Variants in JAKMIP2 observed in about 807,000 individuals in gnomAD.
The protein encoded by JAKMIP2 is janus kinase and microtubule-interacting protein 2.
In JAKMIP2, 25 loss-of-function variants were observed where a neutral mutation model predicts 115.0. That is an observed-to-expected ratio of 0.22 (90% CI 0.16 to 0.30). The LOEUF is 0.30. Ranked by LOEUF, JAKMIP2 falls within the 10% of genes least tolerant of loss-of-function variation. The pLI is 1.00. For missense variants in JAKMIP2, 642 were observed against 957.6 expected (o/e 0.67, Z 4.35); for synonymous variants, 334 against 343.6 (o/e 0.97, Z 0.31).
chr5:147,730,583 G>A (rs931554958), intron 1 of JAKMIP2, among the ~76,000 whole-genome samples: 1 of 151,974 alleles, frequency 6.6e-6, no homozygotes. Context: ...AGCCTCCCTA[G>A]TAGCTGGGAC....
intron 20 of JAKMIP2, among the ~76,000 whole-genome samples, chr5:147,604,560 T>C (rs550411444): frequency 3.9e-5 from 6 of 152,134 alleles, no homozygotes; most frequent in Admixed American, 3.9e-4. Flanking sequence ...CATATATGGA[T>C]AATTATAGAA....
intron 16 of JAKMIP2, among the ~76,000 whole-genome samples, chr5:147,624,884 A>C (rs1757023141): frequency 1.3e-5 from 2 of 152,188 alleles, no homozygotes; most frequent in African/African-American, 4.8e-5. Context: ...ATTAACAATA[A>C]GTAAAGATTA....
chr5:147,693,754 T>A (rs1561542658), intron 1 of JAKMIP2, among the ~76,000 whole-genome samples: 1 of 152,324 alleles, frequency 6.6e-6, no homozygotes, highest in South Asian at 2.1e-4. Flanking sequence ...TGCACTTTCG[T>A]TTCAGTCCTG....
At chr5:147,645,419 G>A (rs999959288) in intron 5 of JAKMIP2, among the ~76,000 whole-genome samples, 2 of 152,116 alleles carry the variant, frequency 1.3e-5, no homozygotes, top group African/African-American at 2.4e-5. Context: ...ATGCGACCAG[G>A]AGCTGAATCC....
rs771714953 is a variant in JAKMIP2, at chr5:147,648,346, ACAT to A, written c.936+27_936+29del. ...TTCTGTAACATAATGCTTAACAACA[ACAT>A]CAACAAAAATTTTTAGTATATCTCA... On this transcript the variant is annotated intron_variant, in intron 5 of 21. Transcript: ENST00000616793. The A allele has an allele frequency of 5.9e-6, 7 of 1,177,544 alleles. No individual in the cohort carries two copies. The Admixed American group carries it at 1.0e-4, about 17-fold the overall frequency. 72.9% of individuals were successfully genotyped at this position (1,177,544 alleles called of 1,614,324 possible). A position where few individuals can be genotyped will look rare whatever the true frequency, so the allele number is the denominator to read the frequency against.
At chr5:147,711,001 T>C (rs115178301) in intron 1 of JAKMIP2, among the ~76,000 whole-genome samples, 1 of 152,330 alleles carries the variant, frequency 6.6e-6, no homozygotes, top group African/African-American at 2.4e-5. Flanking sequence ...TTTAAATCTT[T>C]CTAAACATTA....
At chr5:147,607,176 G>A (rs548784188) in intron 20 of JAKMIP2, among the ~76,000 whole-genome samples, 42 of 152,164 alleles carry the variant, frequency 2.8e-4, no homozygotes, top group African/African-American at 8.2e-4. Context: ...TCTTTCTCTT[G>A]TCTGATTATA....
At chr5:147,623,582 G>A (rs1328639234) in intron 17 of JAKMIP2, 39 bp downstream of exon 17, 3 of 1,379,024 alleles carry the variant, frequency 2.2e-6, no homozygotes, top group East Asian at 2.3e-5. Flanking sequence ...TGCCTTGTAA[G>A]TTTTTCTTAA....
At chr5:147,778,839 A>G (rs917658932) in intron 1 of JAKMIP2, among the ~76,000 whole-genome samples, 5 of 152,130 alleles carry the variant, frequency 3.3e-5, no homozygotes, top group African/African-American at 1.2e-4. Flanking sequence ...TCTTGCTAGC[A>G]TACGCAAATG....
chr5:147,632,543 A>G (rs1757413474), intron 13 of JAKMIP2, 137 bp downstream of exon 13: 1 of 630,502 alleles, frequency 1.6e-6, no homozygotes, highest in African/African-American at 1.8e-5. Flanking sequence ...CCTCCACTAT[A>G]TAATTTTGAG....
chr5:147,757,749 T>G (rs1754798596), intron 1 of JAKMIP2, among the ~76,000 whole-genome samples: 1 of 152,164 alleles, frequency 6.6e-6, no homozygotes. Context: ...TTGATGTTGG[T>G]AGCAATTTTT....
chr5:147,741,488 A>G (rs955106184), intron 1 of JAKMIP2, among the ~76,000 whole-genome samples: 5 of 152,136 alleles, frequency 3.3e-5, no homozygotes, highest in Non-Finnish European at 7.4e-5. Context: ...GTATAAGTAT[A>G]TACTTTTTCC....
chr5:147,609,627 C>A (rs1756208565), intron 20 of JAKMIP2, among the ~76,000 whole-genome samples: 1 of 152,106 alleles, frequency 6.6e-6, no homozygotes, highest in Non-Finnish European at 1.5e-5. Flanking sequence ...TTCATTTCAA[C>A]CTTGCTTAAT....
intron 12 of JAKMIP2, among the ~76,000 whole-genome samples, chr5:147,633,937 G>A (rs1325728491): frequency 3.3e-5 from 5 of 152,016 alleles, no homozygotes; most frequent in Admixed American, 6.5e-5. Flanking sequence ...TGATCCACCC[G>A]CCTCGGCCTC....
intron 19 of JAKMIP2, among the ~76,000 whole-genome samples, chr5:147,614,627 A>G (rs1756484068): frequency 6.6e-6 from 1 of 152,198 alleles, no homozygotes; most frequent in African/African-American, 2.4e-5. Context: ...GTGAACTCTC[A>G]GAATGTAAAA....
chr5:147,630,471 G>A (rs1269996111), intron 14 of JAKMIP2, among the ~76,000 whole-genome samples: 1 of 152,140 alleles, frequency 6.6e-6, no homozygotes, highest in Non-Finnish European at 1.5e-5. Flanking sequence ...CACCCAGGAA[G>A]GCCAGAAGTT....
intron 2 of JAKMIP2, among the ~76,000 whole-genome samples, chr5:147,666,543 G>C (rs1050445332): frequency 6.6e-6 from 1 of 152,234 alleles, no homozygotes; most frequent in South Asian, 2.1e-4. Context: ...TTAACCTCCC[G>C]GGCGGCTCTA....
At chr5:147,731,221 C>T (rs1457069060) in intron 1 of JAKMIP2, among the ~76,000 whole-genome samples, 1 of 152,110 alleles carries the variant, frequency 6.6e-6, no homozygotes, top group African/African-American at 2.4e-5. Flanking sequence ...CCATAAAAGG[C>T]ACTGCTTGGA....
chr5:147,776,663 C>T (rs1270167343), intron 1 of JAKMIP2, among the ~76,000 whole-genome samples: 1 of 152,180 alleles, frequency 6.6e-6, no homozygotes, highest in Non-Finnish European at 1.5e-5. Flanking sequence ...CATGGTGGCT[C>T]ATGCCTGTAA....
Sources: allele counts gnomAD v4.1 joint callset (sites outside exome capture counted in the v4.1 genomes callset), GRCh38; gene constraint gnomAD v4.1.1; transcripts MANE v1.5; gene names NCBI Gene and HGNC (gene_info 2026-07-23, HGNC 2026-07-21).